AGBL4: variants seen among roughly 807,000 people sequenced by gnomAD.
AGBL4 encodes AGBL carboxypeptidase 4, also known as cytosolic carboxypeptidase 6.
In AGBL4, 58 loss-of-function variants were observed where a neutral mutation model predicts 66.4. The ratio of observed to expected loss-of-function variants is 0.87; its 90% CI spans 0.71 to 1.09. The LOEUF (loss-of-function observed/expected upper bound fraction) is 1.09, where lower values mean the gene tolerates loss of function less well. Ranked by LOEUF, AGBL4 falls within the 50% of genes least tolerant of loss-of-function variation. The pLI is 0.00. For missense variants in AGBL4, 579 were observed against 631.0 expected, an observed-to-expected ratio of 0.92 and a Z score of 0.88; for synonymous variants, 234 against 222.9, an observed-to-expected ratio of 1.05 and a Z score of -0.44.
chr1:49,545,062 G>A (rs990447544), intron 3 of AGBL4, among the ~76,000 whole-genome samples: 13 of 152,158 alleles, frequency 8.5e-5, no homozygotes, highest in South Asian at 2.1e-4. Context: ...TCACATTACC[G>A]TTTAATTCCT....
chr1:49,046,486 G>T (rs1382136255), intron 4 of AGBL4, among the ~76,000 whole-genome samples: 1 of 152,132 alleles, frequency 6.6e-6, no homozygotes, highest in Non-Finnish European at 1.5e-5. Flanking sequence ...AATATGCTGT[G>T]TGGGCAATTT....
intron 3 of AGBL4, among the ~76,000 whole-genome samples, chr1:49,268,720 T>C (rs1643986447): frequency 6.6e-6 from 1 of 152,206 alleles, no homozygotes; most frequent in South Asian, 2.1e-4. Flanking sequence ...TTTGTTATCA[T>C]TTTATAATAA....
intron 2 of AGBL4, among the ~76,000 whole-genome samples, chr1:49,720,598 C>A (rs1045241452): frequency 3.3e-5 from 5 of 152,094 alleles, no homozygotes; most frequent in Admixed American, 1.3e-4. Context: ...ATCTCCAACC[C>A]TTTTTAGCTG....
chr1:49,630,665 C>CAGAT (rs1645552801), intron 3 of AGBL4, among the ~76,000 whole-genome samples: 1 of 152,164 alleles, frequency 6.6e-6, no homozygotes. Context: ...TGGCTCCTGG[C>CAGAT]AGATAGGCTA....
chr1:48,959,537 G>A (rs1353159704), intron 5 of AGBL4, among the ~76,000 whole-genome samples: 3 of 152,168 alleles, frequency 2.0e-5, no homozygotes, highest in Non-Finnish European at 2.9e-5. Context: ...CCACAAGGCA[G>A]AGTAAGAGAG....
intron 5 of AGBL4, among the ~76,000 whole-genome samples, chr1:49,020,647 G>T (rs1208651924): frequency 6.6e-6 from 1 of 152,120 alleles, no homozygotes; most frequent in Non-Finnish European, 1.5e-5. Context: ...TGAGCCTGAG[G>T]TAAGGGCAGC....
At chr1:49,049,540 A>T (rs908672076) in intron 4 of AGBL4, among the ~76,000 whole-genome samples, 1 of 152,138 alleles carries the variant, frequency 6.6e-6, no homozygotes, top group African/African-American at 2.4e-5. Context: ...TAGTCATGGC[A>T]TAGAGCGGTC....
intron 3 of AGBL4, among the ~76,000 whole-genome samples, chr1:49,492,207 G>T (rs918070492): frequency 6.6e-6 from 1 of 151,728 alleles, no homozygotes; most frequent in Non-Finnish European, 1.5e-5. Context: ...CATCTGCTTT[G>T]GGTGATCCTG....
intron 3 of AGBL4, among the ~76,000 whole-genome samples, chr1:49,411,886 T>A (rs1370121338): frequency 6.6e-6 from 1 of 152,168 alleles, no homozygotes; most frequent in Non-Finnish European, 1.5e-5. Flanking sequence ...GCAGTGGCAG[T>A]AAGAACCTGT....
intron 1 of AGBL4, among the ~76,000 whole-genome samples, chr1:49,963,999 A>G (rs1344964465): frequency 6.6e-6 from 1 of 152,136 alleles, no homozygotes; most frequent in Non-Finnish European, 1.5e-5. Flanking sequence ...TGCAAAAATA[A>G]TTACAAAAGA....
intron 3 of AGBL4, among the ~76,000 whole-genome samples, chr1:49,373,650 G>GA (rs1004359707): frequency 2.6e-5 from 4 of 151,964 alleles, no homozygotes; most frequent in Admixed American, 6.6e-5. Context: ...ATTTTATGGA[G>GA]AAAAAAATTG....
At chr1:48,716,514 T>A (rs921490725) in intron 6 of AGBL4, among the ~76,000 whole-genome samples, 2 of 152,094 alleles carry the variant, frequency 1.3e-5, no homozygotes, top group Non-Finnish European at 2.9e-5. Flanking sequence ...TCCATCCAGC[T>A]CAAGAGTGTG....
intron 1 of AGBL4, among the ~76,000 whole-genome samples, chr1:49,970,434 G>A (rs749634793): frequency 3.3e-5 from 5 of 152,080 alleles, no homozygotes; most frequent in Non-Finnish European, 7.4e-5. Flanking sequence ...TTAAAAGTGA[G>A]CAAAGGAAAT....
chr1:48,742,948 G>C (rs745940043), intron 6 of AGBL4, among the ~76,000 whole-genome samples: 1 of 152,174 alleles, frequency 6.6e-6, no homozygotes, highest in African/African-American at 2.4e-5. Flanking sequence ...TGTCACAAGG[G>C]AAAAGGTGGA....
At chr1:49,027,707 C>A (rs1663835249) in intron 5 of AGBL4, among the ~76,000 whole-genome samples, 1 of 152,134 alleles carries the variant, frequency 6.6e-6, no homozygotes, top group Admixed American at 6.6e-5. Context: ...AAGCTCTATT[C>A]AAGGTGGATG....
chr1:49,781,003 A>G (rs965922273), intron 2 of AGBL4, among the ~76,000 whole-genome samples: 1 of 152,188 alleles, frequency 6.6e-6, no homozygotes, highest in African/African-American at 2.4e-5. Context: ...CAAAGATACA[A>G]ATTGATGATA....
At chr1:48,911,389 G>A (rs1653082845) in intron 5 of AGBL4, among the ~76,000 whole-genome samples, 1 of 151,896 alleles carries the variant, frequency 6.6e-6, no homozygotes, top group African/African-American at 2.4e-5. Context: ...AGGCTGAGGC[G>A]GGTGGATCAC....
At chr1:48,947,250 T>C (rs1368054394) in intron 5 of AGBL4, among the ~76,000 whole-genome samples, 1 of 152,352 alleles carries the variant, frequency 6.6e-6, no homozygotes, top group Admixed American at 6.5e-5. Context: ...CTTCATTACA[T>C]TTTAAAATAG....
chr1:49,648,300 C>T (rs771527055), intron 3 of AGBL4, among the ~76,000 whole-genome samples: 10 of 150,862 alleles, frequency 6.6e-5, no homozygotes, highest in Non-Finnish European at 1.5e-5. Flanking sequence ...CAATAGATAC[C>T]TCAAAAATGG....
Sources: gnomAD v4.1 joint callset for allele counts (sites outside exome capture counted in the v4.1 genomes callset) on GRCh38, gnomAD v4.1.1 for gene constraint, MANE v1.5 for transcripts, NCBI Gene and HGNC (gene_info 2026-07-23, HGNC 2026-07-21) for gene names.